The following GNAL variants were observed in gnomAD, a reference collection of about 807,000 sequenced individuals.
The protein encoded by GNAL is G protein subunit alpha L.
In GNAL, 18 loss-of-function variants were observed where a neutral mutation model predicts 55.1. The ratio of observed to expected loss-of-function variants is 0.33; its 90% confidence interval spans 0.23 to 0.48. The LOEUF (loss-of-function observed/expected upper bound fraction) is 0.48, where lower values mean the gene tolerates loss of function less well. GNAL is among the 20% of genes least tolerant of loss of function. The probability of loss-of-function intolerance (pLI) is 0.99; values close to 1 mark genes in which losing one functional copy is unlikely to be tolerated. For synonymous variants in GNAL, 253 were observed against 237.0 expected, an observed-to-expected ratio of 1.07 and a Z score of -0.62; for missense variants, 412 against 614.1, an observed-to-expected ratio of 0.67 and a Z score of 3.48.
intron 1 of GNAL, among the ~76,000 whole-genome samples, chr18:11,696,820 C>T (rs1277076320): frequency 6.6e-6 from 1 of 152,182 alleles, no homozygotes; most frequent in East Asian, 1.9e-4. Flanking sequence ...AGTTTTGTCA[C>T]TGGAATATAT....
intron 1 of GNAL, among the ~76,000 whole-genome samples, chr18:11,695,922 GCACACA>G (rs10661294): frequency 3.7e-5 from 5 of 136,050 alleles, no homozygotes; most frequent in East Asian, 2.1e-4. Flanking sequence ...ATGCACGCAT[GCACACA>G]CACACACACA....
chr18:11,870,125 G>C (rs1327857984), intron 9 of GNAL, among the ~76,000 whole-genome samples: 1 of 152,156 alleles, frequency 6.6e-6, no homozygotes, highest in African/African-American at 2.4e-5. Context: ...TCAAATTTTG[G>C]TTTTCACAGG....
intron 5 of GNAL, among the ~76,000 whole-genome samples, chr18:11,858,738 C>T (rs1266226140): frequency 2.3e-4 from 30 of 132,278 alleles, no homozygotes; most frequent in African/African-American, 8.5e-4. Flanking sequence ...ACTTGAAATG[C>T]ATGAACTCGG....
Position 11,884,725 on chromosome 18 carries a change from C to T in GNAL, c.*3590C>T. ...GAGGGAAGACTGCCTTCTCAGGTCC[C>T]CCTCAGGTGAGGCAGGGAACGGGCC... On this transcript the variant is annotated 3_prime_UTR_variant, in exon 12 of 12. Transcript: ENST00000334049. 7.2e-7 allele frequency: 1 copy of T among 1,394,800 alleles called. No homozygotes were observed. The highest frequency in any genetic ancestry group is 9.8e-7 in the Non-Finnish European group (1 of 1,017,440). The allele number at this position is 1,394,800 out of a possible 1,614,324, so 86.4% of individuals were successfully genotyped here.
chr18:11,839,904 A>T (rs1242352284), intron 5 of GNAL, among the ~76,000 whole-genome samples: 1 of 152,260 alleles, frequency 6.6e-6, no homozygotes, highest in Non-Finnish European at 1.5e-5. Context: ...CTTTTCAAAT[A>T]GAACTTAAGG....
At chr18:11,710,704 G>T (rs530098623) in intron 1 of GNAL, among the ~76,000 whole-genome samples, 156 of 151,702 alleles carry the variant, frequency 1.0e-3, no homozygotes, top group Non-Finnish European at 9.7e-4. Flanking sequence ...CTTTTAGAAC[G>T]TTGAATATAT....
intron 5 of GNAL, among the ~76,000 whole-genome samples, chr18:11,846,670 C>G (rs2035747986): frequency 6.6e-6 from 1 of 151,780 alleles, no homozygotes; most frequent in South Asian, 2.1e-4. Flanking sequence ...CCGGGTCTTG[C>G]CATCTTGTCC....
intron 4 of GNAL, among the ~76,000 whole-genome samples, chr18:11,759,246 A>G (rs1014190471): frequency 2.0e-5 from 3 of 152,224 alleles, no homozygotes; most frequent in Non-Finnish European, 2.9e-5. Flanking sequence ...ATCCTTTAGC[A>G]CTATACCAAG....
rs1436738186 is a variant in GNAL, at chr18:11,734,938, G to C, written c.377-17915G>C. ...ACCGGTTTGATGGACTTGCAGAGAA[G>C]TGGGAAGAGAGCATCCTAGATAAAG... On this transcript the variant is annotated intron_variant, in intron 1 of 11. Coordinates refer to ENST00000334049, the MANE Select transcript of GNAL (RefSeq NM_182978.4). Among the ~76,000 whole-genome samples, 23 of 146,066 alleles carry C rather than the reference G, an allele frequency of 1.6e-4. No homozygotes were observed. In the Admixed American group the frequency reaches 1.6e-3, roughly 10 times the overall value.
chr18:11,707,405 A>C (rs2031738348), intron 1 of GNAL, among the ~76,000 whole-genome samples: 1 of 152,234 alleles, frequency 6.6e-6, no homozygotes, highest in South Asian at 2.1e-4. Flanking sequence ...GTAAATGAGC[A>C]GTAATAATTT....
intron 1 of GNAL, among the ~76,000 whole-genome samples, chr18:11,695,957 A>G (rs2031397366): frequency 6.6e-6 from 1 of 151,724 alleles, no homozygotes; most frequent in African/African-American, 2.4e-5. Context: ...CACACAAAGG[A>G]AAAAAAACAG....
chr18:11,876,707 C>T lies in GNAL; in HGVS notation c.1230+19C>T, dbSNP rs751638569. 7.2e-7 allele frequency: 1 copy of T among 1,395,982 alleles called. No homozygotes were observed. The highest frequency in any genetic ancestry group is 1.2e-5 in the South Asian group (1 of 86,618). 86.5% of individuals were successfully genotyped at this position (1,395,982 alleles called of 1,614,324 possible). ...GTTTTTGGTAAGCAATTTTGTTAAC[C>T]TTTGTTTTTCTACCTCCCTTCTTAA... On this transcript the variant is annotated intron_variant, in intron 11 of 11. Transcript: ENST00000334049.
chr18:11,864,583 C>T lies in GNAL; in HGVS notation c.828C>T (p.Phe276=). 6.3e-7 allele frequency: 1 copy of T among 1,580,266 alleles called. No homozygotes were observed. The highest frequency in any genetic ancestry group is 8.7e-7 in the Non-Finnish European group (1 of 1,149,192). The part of the protein sequence containing the change: ...VLTSGIFETR[F]QVDKVNFHMF... Reference sequence around the variant, plus strand: ...CATCTGGGATTTTTGAGACACGATTCCAAGTGGACAAAGTAAACTTCCAGT... The same window carrying T: ...CATCTGGGATTTTTGAGACACGATTTCAAGTGGACAAAGTAAACTTCCAGT... The change falls in exon 7 of 12, where the codon TTC becomes TTT. Residue 276 remains phenylalanine (F), a synonymous_variant. Coordinates refer to ENST00000334049, the MANE Select transcript of GNAL (RefSeq NM_182978.4).
At chr18:11,705,034 C>A (rs1005896210) in intron 1 of GNAL, among the ~76,000 whole-genome samples, 1 of 152,104 alleles carries the variant, frequency 6.6e-6, no homozygotes, top group Non-Finnish European at 1.5e-5. Context: ...TATATGGGGA[C>A]AACGTTGTAC....
rs576953263 is a variant in GNAL, at chr18:11,809,876, A to G, written c.625-15042A>G. ...CAAGGTGTTTGAATTTCTTTGGACA[A>G]TATTCTTTCCCTTTTATGTCAGTTA... is the stretch of plus-strand genomic sequence containing the variant. On this transcript the variant is annotated intron_variant, in intron 4 of 11. Transcript: ENST00000334049. Among the ~76,000 whole-genome samples, 44 of 152,366 alleles carry G rather than the reference A, an allele frequency of 2.9e-4. 1 individual carries two copies. Among genetic ancestry groups the G allele is most frequent in the Non-Finnish European group, 6.2e-4 (42 of 68,036 alleles).
At chr18:11,791,673 CAG>C (rs1173944439) in intron 4 of GNAL, among the ~76,000 whole-genome samples, 36 of 152,178 alleles carry the variant, frequency 2.4e-4, no homozygotes, top group Admixed American at 2.4e-3. Flanking sequence ...TAGAGAATAA[CAG>C]AGTTAGCTTA....
chr18:11,844,303 G>A (rs1471922831), intron 5 of GNAL, among the ~76,000 whole-genome samples: 3 of 151,886 alleles, frequency 2.0e-5, no homozygotes, highest in African/African-American at 4.8e-5. Flanking sequence ...GCGTGGTGGC[G>A]GGCGCCTGTA....
At chr18:11,814,538 A>C (rs538474110) in intron 4 of GNAL, among the ~76,000 whole-genome samples, 8 of 152,142 alleles carry the variant, frequency 5.3e-5, no homozygotes, top group African/African-American at 1.9e-4. Flanking sequence ...AGAAAAGAAA[A>C]GAAAAAGAAA....
intron 1 of GNAL, among the ~76,000 whole-genome samples, chr18:11,747,919 C>G (rs183429958): frequency 1.3e-5 from 2 of 152,022 alleles, no homozygotes; most frequent in Non-Finnish European, 2.9e-5. Context: ...GGTGTGTTGC[C>G]GGGGAGCGCA....
Sources: allele counts gnomAD v4.1 joint callset (sites outside exome capture counted in the v4.1 genomes callset), GRCh38; gene constraint gnomAD v4.1.1; transcripts MANE v1.5; gene names NCBI Gene and HGNC (gene_info 2026-07-23, HGNC 2026-07-21).